The following STXBP5L variants were observed in gnomAD, a reference collection of about 807,000 sequenced individuals.
STXBP5L encodes the protein syntaxin binding protein 5L.
STXBP5L carries 65 observed loss-of-function variants against 144.5 expected under a neutral mutation model. That is an observed-to-expected ratio of 0.45 (90% CI 0.37 to 0.55). The LOEUF is 0.55. STXBP5L is among the 20% of genes least tolerant of loss of function. STXBP5L has a pLI of 0.00. For synonymous variants in STXBP5L, 505 were observed against 469.6 expected (o/e 1.08, Z -0.97); for missense variants, 1,298 against 1,405.5 (o/e 0.92, Z 1.22).
At chr3:120,914,604 A>C (rs1709012166) in intron 2 of STXBP5L, among the ~76,000 whole-genome samples, 1 of 152,064 alleles carries the variant, frequency 6.6e-6, no homozygotes, top group African/African-American at 2.4e-5. Context: ...TTGTCTCCAC[A>C]TTCTCCTAAT....
At position 120,948,231 on chromosome 3, in the gene STXBP5L, A is replaced by G. The variant is rs1038533567; in HGVS notation, c.190-6709A>G. Among the ~76,000 whole-genome samples the G allele has an allele frequency of 9.9e-5, 15 of 151,328 alleles. 1 individual carries two copies. The highest frequency in any genetic ancestry group is 8.6e-4 in the Admixed American group (13 of 15,114). The stretch of plus-strand genomic sequence containing the variant: ...GAGGATCTTTCGGTGTTTATTGGCC[A>G]TTTATATATATTATTTATTTATTAT... On this transcript the variant is annotated intron_variant, in intron 2 of 26. Transcript: ENST00000471454.
At chr3:121,249,147 AG>A (rs2049952907) in intron 14 of STXBP5L, among the ~76,000 whole-genome samples, 1 of 151,962 alleles carries the variant, frequency 6.6e-6, no homozygotes, top group African/African-American at 2.4e-5. Flanking sequence ...AATTTTGAAT[AG>A]TTTTTTTTTC....
intron 9 of STXBP5L, among the ~76,000 whole-genome samples, chr3:121,199,465 C>A (rs1474949610): frequency 6.6e-6 from 1 of 152,092 alleles, no homozygotes; most frequent in Non-Finnish European, 1.5e-5. Flanking sequence ...TAACTGAATA[C>A]CTTTCATTTC....
In STXBP5L at chr3:121,324,150, C is replaced by T. The variant is rs560700041; in HGVS notation, c.2176+5610C>T. ...AGGCTAGGATGATAGAAATATATATCTTTATCAAAATATCATAGAGGTTAG... is the reference window on the plus strand; with the variant it reads ...AGGCTAGGATGATAGAAATATATATTTTTATCAAAATATCATAGAGGTTAG... On this transcript the variant is annotated intron_variant, in intron 20 of 26. Transcript: ENST00000471454. 3.9e-5 allele frequency among the ~76,000 whole-genome samples: 6 copies of T among 152,200 alleles called. No individual in the cohort carries two copies. In the East Asian group the frequency reaches 1.2e-3, roughly 29 times the overall value.
intron 5 of STXBP5L, among the ~76,000 whole-genome samples, chr3:121,069,194 C>T (rs1388027371): frequency 6.6e-6 from 1 of 152,176 alleles, no homozygotes; most frequent in Non-Finnish European, 1.5e-5. Context: ...ATTCACTAAT[C>T]TGCTCTCCAT....
chr3:121,206,044 A>G, intron 10 of STXBP5L, 43 bp downstream of exon 10: 2 of 1,218,728 alleles, frequency 1.6e-6, no homozygotes, highest in Non-Finnish European at 1.1e-6. Flanking sequence ...CGAAGCAGAG[A>G]CAAAAAATGC....
intron 15 of STXBP5L, among the ~76,000 whole-genome samples, chr3:121,252,331 G>A (rs1303742488): frequency 6.6e-6 from 1 of 151,714 alleles, no homozygotes; most frequent in Admixed American, 6.6e-5. Flanking sequence ...ACACCACTGC[G>A]CTCCAGCCTG....
At chr3:121,220,024 A>G (rs902617253) in intron 10 of STXBP5L, among the ~76,000 whole-genome samples, 34 of 152,210 alleles carry the variant, frequency 2.2e-4, no homozygotes, top group Admixed American at 1.4e-3. Context: ...GTACAGTTTC[A>G]TGTTTTAAAC....
At chr3:121,038,661 G>T (rs956749553) in intron 3 of STXBP5L, among the ~76,000 whole-genome samples, 1 of 151,708 alleles carries the variant, frequency 6.6e-6, no homozygotes, top group Non-Finnish European at 1.5e-5. Flanking sequence ...TACTGATTTT[G>T]TCTTATATTA....
intron 5 of STXBP5L, among the ~76,000 whole-genome samples, chr3:121,096,781 G>A (rs1415387745): frequency 3.3e-5 from 5 of 152,200 alleles, no homozygotes; most frequent in Non-Finnish European, 7.4e-5. Context: ...GTTTCTGTCA[G>A]CCCCTACTGG....
intron 3 of STXBP5L, among the ~76,000 whole-genome samples, chr3:120,981,104 G>C (rs922555041): frequency 2.6e-5 from 4 of 151,988 alleles, no homozygotes; most frequent in African/African-American, 9.7e-5. Flanking sequence ...CTTCATAGCT[G>C]ATTAGCCCCT....
intron 20 of STXBP5L, among the ~76,000 whole-genome samples, chr3:121,337,531 T>C (rs2044552836): frequency 6.6e-6 from 1 of 150,672 alleles, no homozygotes; most frequent in African/African-American, 2.4e-5. Flanking sequence ...CATTACTTAC[T>C]CCTTACTATG....
At chr3:121,057,571 AATAT>A (rs988946188) in intron 5 of STXBP5L, among the ~76,000 whole-genome samples, 2 of 151,912 alleles carry the variant, frequency 1.3e-5, no homozygotes, top group African/African-American at 4.8e-5. Flanking sequence ...AAAATGGAAT[AATAT>A]ATATATAGTT....
At chr3:121,021,639 A>C (rs2108215550) in intron 3 of STXBP5L, among the ~76,000 whole-genome samples, 1 of 152,320 alleles carries the variant, frequency 6.6e-6, no homozygotes, top group African/African-American at 2.4e-5. Context: ...AAATAATGGA[A>C]ATTAAATAAC....
intron 5 of STXBP5L, among the ~76,000 whole-genome samples, chr3:121,112,702 C>T (rs1286131115): frequency 1.3e-5 from 2 of 151,720 alleles, no homozygotes; most frequent in East Asian, 3.9e-4. Flanking sequence ...AGGATATCTT[C>T]GATTATTTAA....
chr3:121,356,703 T>G (rs2045527283), intron 20 of STXBP5L, among the ~76,000 whole-genome samples: 1 of 152,150 alleles, frequency 6.6e-6, no homozygotes, highest in African/African-American at 2.4e-5. Flanking sequence ...GCACCCACTG[T>G]CCAACCACTC....
intron 22 of STXBP5L, among the ~76,000 whole-genome samples, chr3:121,406,906 T>C (rs1202505294): frequency 6.6e-6 from 1 of 151,928 alleles, no homozygotes; most frequent in Non-Finnish European, 1.5e-5. Flanking sequence ...GAAAGAATCG[T>C]GGGGTAGGAA....
intron 3 of STXBP5L, among the ~76,000 whole-genome samples, chr3:121,012,152 T>C (rs1487316084): frequency 2.0e-5 from 3 of 151,970 alleles, no homozygotes; most frequent in African/African-American, 7.2e-5. Flanking sequence ...GATTTTTTTA[T>C]TGGCAAATAA....
chr3:121,286,141 T>C (rs191805346), intron 19 of STXBP5L, among the ~76,000 whole-genome samples: 1 of 152,164 alleles, frequency 6.6e-6, no homozygotes, highest in Admixed American at 6.5e-5. Context: ...TTTCTAGTTA[T>C]GCAACAAGGG....
Sources: allele counts gnomAD v4.1 joint callset (sites outside exome capture counted in the v4.1 genomes callset), GRCh38; gene constraint gnomAD v4.1.1; transcripts MANE v1.5; gene names NCBI Gene and HGNC (gene_info 2026-07-23, HGNC 2026-07-21).